Variants in PRKAG2 observed in about 807,000 individuals in gnomAD.
PRKAG2 encodes 5'-AMP-activated protein kinase subunit gamma-2.
In PRKAG2, 26 loss-of-function variants were observed where a neutral mutation model predicts 69.6. The ratio of observed to expected loss-of-function variants is 0.37; its 90% CI spans 0.27 to 0.52. The LOEUF is 0.52. Ranked by LOEUF, PRKAG2 falls within the 20% of genes least tolerant of loss-of-function variation. The pLI, the probability that PRKAG2 is intolerant of heterozygous loss-of-function variation, is 0.90. For missense variants in PRKAG2, 557 were observed against 740.0 expected (o/e 0.75, Z 2.87); for synonymous variants, 293 against 285.0 (o/e 1.03, Z -0.28).
chr7:151,560,079 TAA>T (rs1389265319), intron 15 of PRKAG2: 5 of 984,708 alleles, frequency 5.1e-6, no homozygotes, highest in Non-Finnish European at 4.8e-6. Context: ...TATTAATGAA[TAA>T]AAGTTTGTGT....
At chr7:151,799,137 AG>A (rs1265182966) in intron 1 of PRKAG2, among the ~76,000 whole-genome samples, 2 of 152,160 alleles carry the variant, frequency 1.3e-5, no homozygotes, top group African/African-American at 4.8e-5. Flanking sequence ...GGGCAGTCAC[AG>A]GGTGTTAGGA....
At chr7:151,766,013 TG>T (rs1450133092) in intron 3 of PRKAG2, among the ~76,000 whole-genome samples, 5 of 152,230 alleles carry the variant, frequency 3.3e-5, no homozygotes, top group Admixed American at 3.3e-4. Context: ...GGCTATTGTG[TG>T]CAGATCCTAC....
intron 3 of PRKAG2, among the ~76,000 whole-genome samples, chr7:151,714,391 T>G (rs373923347): frequency 6.8e-6 from 1 of 146,558 alleles, no homozygotes; most frequent in Middle Eastern, 3.6e-3. Context: ...CGCCCCGCCG[T>G]GCCTAGGTGG....
chr7:151,565,854 T>C lies in PRKAG2; in HGVS notation c.1265A>G (p.Lys422Arg). 1 of 1,613,870 alleles carries C rather than the reference T, an allele frequency of 6.2e-7. No homozygotes were observed. The highest frequency in any genetic ancestry group is 8.5e-7 in the Non-Finnish European group (1 of 1,179,724). The stretch of plus-strand genomic sequence containing the variant: ...TATTCCAAGCTCATCCAGGTTCTGC[T>C]TCATGAAGGCAGGCTTTGGCATATC... The part of the protein sequence containing the change: ...MSDMPKPAFM[K>R]QNLDELGIGT... Residue 422 changes from lysine (K) to arginine (R), a missense_variant, in exon 12 of 16, where the codon AAG (lysine) becomes AGG (arginine). Physicochemically the swap from Lys to Arg is conservative, Grantham distance 26. Transcript: ENST00000287878.
Position 151,738,810 on chromosome 7 carries a change from T to A in PRKAG2, c.466+42342A>T, listed in dbSNP as rs146839228. 8.4e-3 allele frequency among the ~76,000 whole-genome samples: 1,283 copies of A among 152,332 alleles called. 19 individuals carry two copies. The highest frequency in any genetic ancestry group is 0.028 in the African/African-American group (1,165 of 41,580). ...CTCTGAAGGCTGTGAGACCCCTGAT[T>A]TCCCACTTCACACCTCTATATTTCT... On this transcript the variant is annotated intron_variant, in intron 3 of 15. Transcript: ENST00000287878.
intron 4 of PRKAG2, among the ~76,000 whole-genome samples, chr7:151,656,079 C>A (rs531891395): frequency 1.6e-4 from 24 of 152,118 alleles, no homozygotes; most frequent in African/African-American, 5.8e-4. Context: ...AAACCTGAAA[C>A]CTGAGTAGCA....
chr7:151,858,375 T>C (rs2079837245), intron 1 of PRKAG2, among the ~76,000 whole-genome samples: 2 of 152,242 alleles, frequency 1.3e-5, no homozygotes, highest in Admixed American at 1.3e-4. Flanking sequence ...AGCTACTGGC[T>C]CCTTGGAGCT....
chr7:151,764,776 G>A (rs1047413757), intron 3 of PRKAG2, among the ~76,000 whole-genome samples: 2 of 152,208 alleles, frequency 1.3e-5, no homozygotes, highest in Non-Finnish European at 2.9e-5. Context: ...GTCCCAGGAC[G>A]TGGGGGCAGG....
intron 3 of PRKAG2, among the ~76,000 whole-genome samples, chr7:151,678,118 T>C (rs1833247411): frequency 6.6e-6 from 1 of 152,182 alleles, no homozygotes; most frequent in Non-Finnish European, 1.5e-5. Flanking sequence ...TCCATCCTCA[T>C]GGGGAAGGAC....
intron 3 of PRKAG2, among the ~76,000 whole-genome samples, chr7:151,765,716 A>C (rs2075699801): frequency 6.6e-6 from 1 of 152,214 alleles, no homozygotes; most frequent in African/African-American, 2.4e-5. Flanking sequence ...GGGGGTCAGG[A>C]CTTCCACAAA....
chr7:151,714,315 G>C (rs527348093), intron 3 of PRKAG2, among the ~76,000 whole-genome samples: 3 of 149,748 alleles, frequency 2.0e-5, no homozygotes, highest in African/African-American at 7.6e-5. Flanking sequence ...CAGGGCTTCC[G>C]AGAGAGCCGT....
chr7:151,729,559 T>A (rs1798586285), intron 3 of PRKAG2, among the ~76,000 whole-genome samples: 1 of 151,974 alleles, frequency 6.6e-6, no homozygotes, highest in Non-Finnish European at 1.5e-5. Context: ...CCTTAGCCCA[T>A]CGGTGCTCAA....
At chr7:151,634,939 G>GTTTTTTGT (rs1825466411) in intron 4 of PRKAG2, among the ~76,000 whole-genome samples, 1 of 123,608 alleles carries the variant, frequency 8.1e-6, no homozygotes, top group Non-Finnish European at 1.7e-5. Context: ...TGGAACCACT[G>GTTTTTTGT]TTTTTTTTTT....
intron 3 of PRKAG2, among the ~76,000 whole-genome samples, chr7:151,694,118 C>T (rs1417092082): frequency 1.3e-5 from 2 of 152,190 alleles, no homozygotes; most frequent in East Asian, 1.9e-4. Context: ...GAGTGATCTG[C>T]CCGCCTCAGC....
intron 3 of PRKAG2, among the ~76,000 whole-genome samples, chr7:151,772,349 C>T (rs190454326): frequency 1.6e-4 from 24 of 152,300 alleles, no homozygotes; most frequent in Non-Finnish European, 2.5e-4. Flanking sequence ...TCTGGTATGA[C>T]GCTCCCAAAC....
intron 3 of PRKAG2, among the ~76,000 whole-genome samples, chr7:151,774,436 CT>C (rs1481696331): frequency 1.3e-5 from 2 of 152,110 alleles, no homozygotes; most frequent in Admixed American, 6.5e-5. Context: ...CCTCTTTTTC[CT>C]TTTTCATTTC....
chr7:151,617,645 G>A (rs546361268), intron 5 of PRKAG2, among the ~76,000 whole-genome samples: 30 of 151,672 alleles, frequency 2.0e-4, no homozygotes, highest in African/African-American at 6.3e-4. Flanking sequence ...CATGTTAACA[G>A]AAAAAAACCC....
At chr7:151,809,253 A>T (rs1348721977) in intron 1 of PRKAG2, 1 of 456,588 alleles carries the variant, frequency 2.2e-6, no homozygotes, top group Non-Finnish European at 4.4e-6. Flanking sequence ...AAACAGGTGA[A>T]TCCCTAGGCC....
chr7:151,673,836 TTC>T (rs1400190953), intron 4 of PRKAG2, among the ~76,000 whole-genome samples: 2 of 121,744 alleles, frequency 1.6e-5, no homozygotes, highest in Non-Finnish European at 3.3e-5. Context: ...GTAGCTTGTG[TTC>T]TTTTTTTTTT....
Sources: allele counts gnomAD v4.1 joint callset (sites outside exome capture counted in the v4.1 genomes callset), GRCh38; gene constraint gnomAD v4.1.1; transcripts MANE v1.5; gene names NCBI Gene and HGNC (gene_info 2026-07-23, HGNC 2026-07-21).